The following ZNF341 variants were observed in gnomAD, a reference collection of about 807,000 sequenced individuals.
ZNF341 encodes zinc finger protein 341.
Under a neutral mutation model 87.7 loss-of-function variants are expected in ZNF341, and 52 were observed. The ratio of observed to expected loss-of-function variants is 0.59; its 90% CI spans 0.47 to 0.75. ZNF341 has a LOEUF of 0.75. Ranked by LOEUF, ZNF341 falls within the 30% of genes least tolerant of loss-of-function variation. ZNF341 has a pLI of 0.00. For missense variants in ZNF341, 977 were observed against 1,145.9 expected, an observed-to-expected ratio of 0.85 and a Z score of 2.13; for synonymous variants, 459 against 472.7, an observed-to-expected ratio of 0.97 and a Z score of 0.38.
At chr20:33,790,722 G>A (rs2019992225) in intron 14 of ZNF341, among the ~76,000 whole-genome samples, 1 of 152,194 alleles carries the variant, frequency 6.6e-6, no homozygotes, top group Admixed American at 6.5e-5. Context: ...GCGAGCCAAG[G>A]TGCAGAGAGT....
rs190111438 is a variant in ZNF341 at position 33,751,832 on chromosome 20, G to A, written c.490-1340G>A. Among the ~76,000 whole-genome samples, 274 of 152,230 alleles carry A rather than the reference G, an allele frequency of 1.8e-3. 2 individuals carry two copies. The highest frequency in any genetic ancestry group is 6.3e-3 in the African/African-American group (262 of 41,552). ...ACTCCACCCGCCTCAGCCTCCCAAA[G>A]TGTTGAGATTACAGGTGTTAGCCGC... On this transcript the variant is annotated intron_variant, in intron 4 of 14. Transcript: ENST00000375200.
intron 11 of ZNF341, among the ~76,000 whole-genome samples, 185 bp downstream of exon 11, chr20:33,781,572 T>A (rs1328526898): frequency 6.6e-6 from 1 of 152,146 alleles, no homozygotes; most frequent in East Asian, 1.9e-4. Context: ...ATTCCAGATG[T>A]GGCCATGTCG....
intron 5 of ZNF341, among the ~76,000 whole-genome samples, chr20:33,754,220 G>C (rs1208479834): frequency 6.6e-6 from 1 of 152,148 alleles, no homozygotes; most frequent in African/African-American, 2.4e-5. Context: ...AAAGGCTTGG[G>C]TACAGGGAGG....
At chr20:33,757,389 A>G (rs749332330) in intron 6 of ZNF341, 46 bp downstream of exon 6, 6 of 1,396,100 alleles carry the variant, frequency 4.3e-6, no homozygotes, top group Middle Eastern at 1.9e-4. Flanking sequence ...ACATTGGCCA[A>G]TCCACAAGCT....
chr20:33,753,202 T>A lies in ZNF341; in HGVS notation c.520T>A (p.Tyr174Asn), dbSNP rs2019097013. The stretch of plus-strand genomic sequence containing the variant: ...CCTGAACATGCATTCCGTGCCCAGC[T>A]ACCTCACCCAGCCTCCACCTCCTCC... ...SSLNMHSVPS[Y>N]LTQPPPPPPP... Residue 174 changes from tyrosine (Y) to asparagine (N), a missense_variant, in exon 5 of 15, where the codon TAC becomes AAC. This residue lies in a region of ZNF341 where 515 missense variants were observed against 598.2 expected (regional missense o/e 0.86). Coordinates refer to ENST00000375200, the MANE Select transcript of ZNF341 (RefSeq NM_001282933.2). The A allele has an allele frequency of 6.2e-7, 1 of 1,612,106 alleles. No homozygotes were observed. Among genetic ancestry groups the A allele is most frequent in the Non-Finnish European group, 8.5e-7 (1 of 1,180,010 alleles).
In ZNF341 at chr20:33,753,159, T is replaced by C; in HGVS notation, c.490-13T>C. 1.2e-6 allele frequency: 2 copies of C among 1,612,030 alleles called. No individual in the cohort carries two copies. Among genetic ancestry groups the C allele is most frequent in the Non-Finnish European group, 1.7e-6 (2 of 1,180,026 alleles). On this transcript the variant is annotated splice_polypyrimidine_tract_variant and intron_variant, in intron 4 of 14. Transcript: ENST00000375200. ...ATCAAGAGGCTATAACACTTTTTCT[T>C]TTCTGATTTCAGAGCAGCCTGAACA...
intron 10 of ZNF341, among the ~76,000 whole-genome samples, chr20:33,774,118 A>T (rs1428640030): frequency 9.9e-5 from 2 of 20,246 alleles, no homozygotes; most frequent in Non-Finnish European, 1.4e-4. Context: ...TGTCTCTACT[A>T]AAAAAAAAAA....
chr20:33,781,219 TG>T, intron 10 of ZNF341, 71 bp from the exon 11 acceptor site: 1 of 1,148,612 alleles, frequency 8.7e-7, no homozygotes, highest in Non-Finnish European at 1.3e-6. Context: ...ATGTTGGCCC[TG>T]GGGTGGCCGG....
Position 33,757,308 on chromosome 20 carries a change from C to T in ZNF341, c.902C>T (p.Thr301Ile), listed in dbSNP as rs528799891. The T allele has an allele frequency of 4.3e-5, 68 of 1,588,054 alleles. No homozygotes were observed. Among genetic ancestry groups the T allele is most frequent in the South Asian group, 1.0e-4 (9 of 87,674 alleles). The change falls in exon 6 of 15, where the codon ACC (threonine) becomes ATC (isoleucine). Residue 301 changes from threonine (T) to isoleucine (I), a missense_variant. Transcript: ENST00000375200. ...ATFDSPATLK[T>I]RRAKGARGLP... ...TTTGACTCTCCAGCAACGCTGAAGA[C>T]CCGACGAGCTAAAGGTGCCAGGGGA...
chr20:33,790,288 G>A (rs189698238), intron 14 of ZNF341, among the ~76,000 whole-genome samples: 135 of 152,194 alleles, frequency 8.9e-4, no homozygotes, highest in African/African-American at 3.1e-3. Flanking sequence ...GGCTAGGCTG[G>A]TGTCGAACTC....
At chr20:33,748,178 T>C (rs2018974408) in intron 3 of ZNF341, among the ~76,000 whole-genome samples, 1 of 152,012 alleles carries the variant, frequency 6.6e-6, no homozygotes, top group Admixed American at 6.6e-5. Context: ...TTCAAGCGGT[T>C]CTCCTGCCTC....
chr20:33,757,371 T>G, intron 6 of ZNF341, 28 bp downstream of exon 6: 1 of 1,451,202 alleles, frequency 6.9e-7, no homozygotes. Flanking sequence ...CATGGGCATC[T>G]TTCCTCAACA....
At position 33,748,914 on chromosome 20, in the gene ZNF341, A is replaced by C; in HGVS notation, c.340-9A>C. On this transcript the variant is annotated splice_polypyrimidine_tract_variant and intron_variant, in intron 3 of 14. Coordinates refer to ENST00000375200, the MANE Select transcript of ZNF341 (RefSeq NM_001282933.2). ...CCGTCTCACTCATTCTCTCTCTCCC[A>C]CTGTCCAGATCTCCACATACATCAC... 6.2e-7 allele frequency: 1 copy of C among 1,607,848 alleles called. No individual in the cohort carries two copies. The highest frequency in any genetic ancestry group is 8.5e-7 in the Non-Finnish European group (1 of 1,175,410).
chr20:33,752,555 C>T (rs929240114), intron 4 of ZNF341: 22 of 405,646 alleles, frequency 5.4e-5, no homozygotes, highest in African/African-American at 4.1e-4. Flanking sequence ...CTGCTGGGTC[C>T]AAGATGGAAA....
In ZNF341 at chr20:33,759,434, G is replaced by A. The variant is rs543842882; in HGVS notation, c.1028+628G>A. On this transcript the variant is annotated intron_variant, in intron 7 of 14. Coordinates refer to ENST00000375200, the MANE Select transcript of ZNF341 (RefSeq NM_001282933.2). The stretch of plus-strand genomic sequence containing the variant: ...CGAGTAGCTTGGATTACAGGCATGC[G>A]CCACCACGCCCGGCTAATTTTGTAT... 3.3e-5 allele frequency among the ~76,000 whole-genome samples: 5 copies of A among 152,180 alleles called. No homozygotes were observed. In the East Asian group the frequency reaches 5.8e-4, roughly 18 times the overall value.
At chr20:33,790,872 G>C in intron 14 of ZNF341, 116 bp from the exon 15 acceptor site, 1 of 1,246,436 alleles carries the variant, frequency 8.0e-7, no homozygotes, top group South Asian at 1.5e-5. Context: ...GGAGAGAGCT[G>C]GGGCCAGATC....
In ZNF341 at chr20:33,758,815, G is replaced by A; in HGVS notation, c.1028+9G>A. The A allele has an allele frequency of 6.2e-7, 1 of 1,613,046 alleles. No homozygotes were observed. The highest frequency in any genetic ancestry group is 8.5e-7 in the Non-Finnish European group (1 of 1,179,420). On this transcript the variant is annotated intron_variant, in intron 7 of 14. Coordinates refer to ENST00000375200, the MANE Select transcript of ZNF341 (RefSeq NM_001282933.2). ...CAGCAGCACATCCGAAGGTACACAT[G>A]CGTGGTGAGGCAGGTGGCTCCTGGG...
chr20:33,734,263 T>TG (rs2018635297), intron 1 of ZNF341, among the ~76,000 whole-genome samples: 1 of 152,094 alleles, frequency 6.6e-6, no homozygotes, highest in Non-Finnish European at 1.5e-5. Context: ...CTGCTAGAGA[T>TG]GGGGTTTGAT....
chr20:33,786,461 G>A (rs2019865239), intron 12 of ZNF341, among the ~76,000 whole-genome samples: 2 of 152,118 alleles, frequency 1.3e-5, no homozygotes, highest in African/African-American at 4.8e-5. Flanking sequence ...TTCAGTTTGG[G>A]ATGATGAAAA....
Sources: allele counts gnomAD v4.1 joint callset (sites outside exome capture counted in the v4.1 genomes callset), GRCh38; gene constraint gnomAD v4.1.1; regional missense constraint gnomAD v4.1.1; transcripts MANE v1.5; gene names NCBI Gene and HGNC (gene_info 2026-07-23, HGNC 2026-07-21).